The following GLG1 variants were observed in gnomAD, a reference collection of about 807,000 sequenced individuals.
GLG1 encodes golgi glycoprotein 1.
Under a neutral mutation model 160.5 loss-of-function variants are expected in GLG1, and 38 were observed. The observed-to-expected ratio is 0.24, with a 90% CI of 0.18 to 0.31. The LOEUF is 0.31. Ranked by LOEUF, GLG1 falls within the 10% of genes least tolerant of loss-of-function variation. GLG1 has a pLI of 1.00. For missense variants in GLG1, 1,373 were observed against 1,505.2 expected (o/e 0.91, Z 1.45); for synonymous variants, 644 against 543.4 (o/e 1.19, Z -2.57).
intron 7 of GLG1, among the ~76,000 whole-genome samples, chr16:74,491,476 A>G (rs2015984023): frequency 6.6e-6 from 1 of 152,184 alleles, no homozygotes; most frequent in African/African-American, 2.4e-5. Flanking sequence ...TGCTTTGCCC[A>G]TGGAAATCCT....
intron 1 of GLG1, among the ~76,000 whole-genome samples, chr16:74,582,559 G>A (rs1409262594): frequency 6.6e-6 from 1 of 152,014 alleles, no homozygotes; most frequent in Non-Finnish European, 1.5e-5. Context: ...GGGGGCTCAC[G>A]CCTGTAATCC....
chr16:74,500,714 A>G (rs2143441568), intron 4 of GLG1, among the ~76,000 whole-genome samples: 1 of 152,334 alleles, frequency 6.6e-6, no homozygotes, highest in African/African-American at 2.4e-5. Flanking sequence ...AGAAAAGCAT[A>G]AAAGTACTAA....
chr16:74,515,811 G>A (rs1458940734), intron 2 of GLG1, among the ~76,000 whole-genome samples: 4 of 151,636 alleles, frequency 2.6e-5, no homozygotes, highest in African/African-American at 4.9e-5. Flanking sequence ...CCCCTCTCAC[G>A]TGCAGAGACA....
intron 16 of GLG1, chr16:74,469,316 G>GA: frequency 1.9e-6 from 1 of 524,348 alleles, no homozygotes; most frequent in Non-Finnish European, 3.4e-6. Context: ...GGGCACATGT[G>GA]TGCAACGACA....
intron 1 of GLG1, among the ~76,000 whole-genome samples, chr16:74,576,424 A>G (rs1333704651): frequency 3.3e-5 from 5 of 152,192 alleles, no homozygotes; most frequent in Non-Finnish European, 7.3e-5. Context: ...TGTACATTAT[A>G]TATTATAGTC....
rs1010531028 is a variant in GLG1, at chr16:74,452,605, C to T, written c.*562G>A. 4.0e-6 allele frequency: 4 copies of T among 1,001,602 alleles called. No homozygotes were observed. The highest frequency in any genetic ancestry group is 5.3e-5 in the Admixed American group (1 of 18,774). 62.0% of individuals were successfully genotyped at this position (1,001,602 alleles called of 1,614,324 possible). ...CTGGGGAACGGCTGCCCACCCACGC[C>T]TCGGTGAAGACCACGGCCCTGGCGA... On this transcript the variant is annotated 3_prime_UTR_variant, in exon 26 of 26. Coordinates refer to ENST00000422840, the MANE Select transcript of GLG1 (RefSeq NM_001145667.2).
intron 1 of GLG1, among the ~76,000 whole-genome samples, chr16:74,583,225 G>A (rs1024678018): frequency 6.6e-6 from 1 of 152,136 alleles, no homozygotes; most frequent in Non-Finnish European, 1.5e-5. Context: ...CCCAACTATA[G>A]CCTTATAAGC....
chr16:74,599,426 G>A (rs562467584), intron 1 of GLG1, among the ~76,000 whole-genome samples: 51 of 152,278 alleles, frequency 3.3e-4, no homozygotes, highest in African/African-American at 1.1e-3. Context: ...AATCTTAAGA[G>A]ATAATCCAAG....
At chr16:74,514,958 T>C (rs1031891789) in intron 2 of GLG1, among the ~76,000 whole-genome samples, 1 of 149,298 alleles carries the variant, frequency 6.7e-6, no homozygotes, top group Non-Finnish European at 1.5e-5. Context: ...ACCAAGCAAA[T>C]GGAAAGCAAA....
In GLG1 at chr16:74,465,668, C is replaced by A; in HGVS notation, c.2667+8G>T. 1 of 1,612,996 alleles carries A rather than the reference C, an allele frequency of 6.2e-7. No individual in the cohort carries two copies. The highest frequency in any genetic ancestry group is 8.5e-7 in the Non-Finnish European group (1 of 1,179,654). On this transcript the variant is annotated splice_region_variant and intron_variant, in intron 19 of 25. Transcript: ENST00000422840. ...ATCCGTGCTCGGCCTTTGGTGTCGG[C>A]TTCTCACCTTTATCATCTGCTTGCA...
intron 1 of GLG1, among the ~76,000 whole-genome samples, chr16:74,546,897 C>T (rs1157036281): frequency 6.9e-6 from 1 of 144,570 alleles, no homozygotes; most frequent in Non-Finnish European, 1.5e-5. Flanking sequence ...ATAATTTGGA[C>T]CCACCATTTT....
At chr16:74,472,598 T>A (rs1366315635) in intron 13 of GLG1, 187 bp from the exon 14 acceptor site, 1 of 1,483,376 alleles carries the variant, frequency 6.7e-7, no homozygotes, top group Non-Finnish European at 9.0e-7. Flanking sequence ...CGTTATACTT[T>A]GAAAGGCAAA....
intron 1 of GLG1, among the ~76,000 whole-genome samples, chr16:74,595,119 C>T (rs1479490925): frequency 6.6e-6 from 1 of 151,088 alleles, no homozygotes; most frequent in Non-Finnish European, 1.5e-5. Context: ...ACCCGGGAGG[C>T]GGAGCTTGCA....
intron 1 of GLG1, among the ~76,000 whole-genome samples, chr16:74,600,747 A>AC (rs1477419929): frequency 6.7e-6 from 1 of 150,010 alleles, no homozygotes; most frequent in African/African-American, 2.4e-5. Flanking sequence ...AAAAAAAAAA[A>AC]AAAAAAACAA....
At chr16:74,574,745 A>G (rs2018936827) in intron 1 of GLG1, among the ~76,000 whole-genome samples, 2 of 151,380 alleles carry the variant, frequency 1.3e-5, no homozygotes, top group Non-Finnish European at 2.9e-5. Flanking sequence ...TTAGCTGAGC[A>G]TGGTGGTGCA....
intron 3 of GLG1, among the ~76,000 whole-genome samples, chr16:74,505,810 G>A (rs563960495): frequency 1.4e-4 from 21 of 152,224 alleles, no homozygotes; most frequent in South Asian, 6.2e-4. Flanking sequence ...AGCTGAGATT[G>A]AGCCATTGCA....
intron 2 of GLG1, among the ~76,000 whole-genome samples, chr16:74,511,704 CCTTA>C (rs1160682475): frequency 2.6e-5 from 4 of 151,816 alleles, no homozygotes; most frequent in Non-Finnish European, 2.9e-5. Context: ...CAGAATATTT[CCTTA>C]CTATTTTATC....
chr16:74,455,512 T>C (rs1356973580), intron 25 of GLG1, among the ~76,000 whole-genome samples: 4 of 152,182 alleles, frequency 2.6e-5, no homozygotes, highest in Non-Finnish European at 5.9e-5. Context: ...TAAAGGCAAC[T>C]TTCTTCCCTT....
chr16:74,581,869 G>A (rs891882692), intron 1 of GLG1, among the ~76,000 whole-genome samples: 4 of 152,096 alleles, frequency 2.6e-5, no homozygotes, highest in African/African-American at 4.8e-5. Flanking sequence ...TCGAGATAGC[G>A]TTACTGCACT....
Sources: gnomAD v4.1 joint callset for allele counts (sites outside exome capture counted in the v4.1 genomes callset) on GRCh38, gnomAD v4.1.1 for gene constraint, MANE v1.5 for transcripts, NCBI Gene and HGNC (gene_info 2026-07-23, HGNC 2026-07-21) for gene names.